The following GNA13 variants were observed in gnomAD, a reference collection of about 807,000 sequenced individuals.
The protein encoded by GNA13 is G protein subunit alpha 13.
In GNA13, 4 loss-of-function variants were observed where a neutral mutation model predicts 33.5. That is an observed-to-expected ratio of 0.12 (90% CI 0.06 to 0.27). The LOEUF (loss-of-function observed/expected upper bound fraction) is 0.27. Among genes scored for constraint, GNA13 ranks in the 10% least tolerant of loss-of-function variants. The probability of loss-of-function intolerance (pLI) is 1.00; values close to 1 mark genes in which losing one functional copy is unlikely to be tolerated. For missense variants in GNA13, 319 were observed against 487.2 expected (o/e 0.65, Z 3.25); for synonymous variants, 176 against 183.8 (o/e 0.96, Z 0.34).
intron 3 of GNA13, among the ~76,000 whole-genome samples, chr17:65,015,532 G>A (rs9894840): frequency 0.011 from 1,683 of 151,764 alleles, 31 homozygotes; most frequent in African/African-American, 0.039. Flanking sequence ...GTGTGGTGGC[G>A]GGCGCCTGTA....
In GNA13 at chr17:65,010,218, A is replaced by G. The variant is rs1209841839; in HGVS notation, c.*4039T>C. Among the ~76,000 whole-genome samples, 1 of 152,212 alleles carries G rather than the reference A, an allele frequency of 6.6e-6. No individual in the cohort carries two copies. Among genetic ancestry groups the G allele is most frequent in the Non-Finnish European group, 1.5e-5 (1 of 68,030 alleles). On this transcript the variant is annotated 3_prime_UTR_variant, in exon 4 of 4. Coordinates refer to ENST00000439174, the MANE Select transcript of GNA13 (RefSeq NM_006572.6). ...CAGACATAAGAATGCTAGTGGTACA[A>G]ACACTGTACTCCAAATGATGTTGTT...
intron 2 of GNA13, chr17:65,053,213 CAT>C: frequency 2.8e-6 from 1 of 351,500 alleles, no homozygotes; most frequent in East Asian, 5.3e-5. Context: ...TATCTGCATA[CAT>C]ATGAGATATG....
At chr17:65,016,130 C>T (rs1459064897) in intron 3 of GNA13, among the ~76,000 whole-genome samples, 2 of 152,206 alleles carry the variant, frequency 1.3e-5, no homozygotes, top group Non-Finnish European at 2.9e-5. Flanking sequence ...TCTTCCTTGT[C>T]AGTCTAGCAT....
intron 2 of GNA13, among the ~76,000 whole-genome samples, chr17:65,037,791 A>AAAAAAAAAAAAAAAAAC (rs1567824027): frequency 1.3e-4 from 19 of 149,712 alleles, no homozygotes; most frequent in Non-Finnish European, 2.2e-4. Context: ...AAAAAAAAAA[A>AAAAAAAAAAAAAAAAAC]AAAAAAAAAG....
At chr17:65,021,131 C>T (rs1214614606) in intron 2 of GNA13, among the ~76,000 whole-genome samples, 4 of 152,264 alleles carry the variant, frequency 2.6e-5, no homozygotes, top group African/African-American at 9.6e-5. Flanking sequence ...GAAAAGTGTT[C>T]CAATATTTCT....
intron 1 of GNA13, chr17:65,055,674 T>A: frequency 1.0e-6 from 1 of 985,208 alleles, no homozygotes; most frequent in Non-Finnish European, 1.2e-6. Context: ...CTGATTCCAG[T>A]ACAGTCAACC....
In GNA13 at chr17:65,018,305, TAA is replaced by T; in HGVS notation, c.511-4_511-3del. ...CAGGAAATATTTTACAGATTCACCC[TAA>T]AAACAAGAAGAAAACAAATAGTTAT... On this transcript the variant is annotated splice_polypyrimidine_tract_variant and splice_region_variant and intron_variant, in intron 2 of 3. Coordinates refer to ENST00000439174, the MANE Select transcript of GNA13 (RefSeq NM_006572.6). The T allele has an allele frequency of 6.9e-7, 1 of 1,441,506 alleles. No homozygotes were observed. The allele number at this position is 1,441,506 out of a possible 1,614,324, so 89.3% of individuals were successfully genotyped here.
intron 2 of GNA13, among the ~76,000 whole-genome samples, chr17:65,051,689 C>A (rs1008467579): frequency 2.0e-5 from 3 of 152,188 alleles, no homozygotes; most frequent in Non-Finnish European, 4.4e-5. Flanking sequence ...GCAAGCAAAT[C>A]TACCAAAAAT....
At chr17:65,040,869 T>C (rs527476514) in intron 2 of GNA13, among the ~76,000 whole-genome samples, 2 of 152,314 alleles carry the variant, frequency 1.3e-5, no homozygotes, top group Admixed American at 1.3e-4. Flanking sequence ...CATTCTCTCA[T>C]GTGTTAGGCT....
At chr17:65,031,906 G>C (rs1208673410) in intron 2 of GNA13, among the ~76,000 whole-genome samples, 1 of 141,096 alleles carries the variant, frequency 7.1e-6, no homozygotes, top group African/African-American at 3.0e-5. Flanking sequence ...AAGAGAGAGA[G>C]AGAGAGAGAG....
chr17:65,038,318 G>A (rs543855157), intron 2 of GNA13, among the ~76,000 whole-genome samples: 2 of 151,950 alleles, frequency 1.3e-5, no homozygotes, highest in South Asian at 2.1e-4. Flanking sequence ...TAGGAGAATC[G>A]CTTGAAGCTC....
intron 2 of GNA13, among the ~76,000 whole-genome samples, chr17:65,046,674 A>G (rs1304023141): frequency 6.6e-6 from 1 of 152,208 alleles, no homozygotes; most frequent in Non-Finnish European, 1.5e-5. Context: ...TTTGGCCATT[A>G]TGCTTTTCTT....
intron 2 of GNA13, among the ~76,000 whole-genome samples, chr17:65,021,132 C>G (rs142568528): frequency 2.1e-3 from 321 of 152,216 alleles, no homozygotes; most frequent in Non-Finnish European, 3.7e-3. Context: ...AAAAGTGTTC[C>G]AATATTTCTT....
In GNA13 at chr17:65,056,594, C is replaced by T. The variant is rs775298602; in HGVS notation, c.-1G>A. The T allele has an allele frequency of 6.3e-6, 10 of 1,594,944 alleles. No homozygotes were observed. Among genetic ancestry groups the T allele is most frequent in the African/African-American group, 5.4e-5 (4 of 74,408 alleles). On this transcript the variant is annotated 5_prime_UTR_variant, in exon 1 of 4. Coordinates refer to ENST00000439174, the MANE Select transcript of GNA13 (RefSeq NM_006572.6). ...ACCGCGACGGCAGGAAGTCCGCCAT[C>T]TTGCCGCCGCCGCCGCCGCCTCGGC...
intron 3 of GNA13, among the ~76,000 whole-genome samples, chr17:65,015,387 G>A (rs556335281): frequency 6.6e-5 from 10 of 151,942 alleles, no homozygotes; most frequent in Non-Finnish European, 1.5e-4. Flanking sequence ...TGGGGGCTGG[G>A]CGCGATGGCT....
chr17:65,014,083 A>G lies in GNA13; in HGVS notation c.*174T>C. On this transcript the variant is annotated 3_prime_UTR_variant, in exon 4 of 4. Transcript: ENST00000439174. The surrounding 1 kb of genome is among the most constrained non-coding windows in gnomAD (Gnocchi z 5.3). ...AGCAAATCTTGGCGATGAGTCACTC[A>G]ACAGCTTTCAGCCACAAACCAAAGG... 3 of 580,508 alleles carry G rather than the reference A, an allele frequency of 5.2e-6. No individual in the cohort carries two copies. The highest frequency in any genetic ancestry group is 9.2e-6 in the Non-Finnish European group (3 of 327,832). The allele number at this position is 580,508 out of a possible 1,614,324, so 36.0% of individuals were successfully genotyped here.
chr17:65,013,920 T>C lies in GNA13; in HGVS notation c.*337A>G. On this transcript the variant is annotated 3_prime_UTR_variant, in exon 4 of 4. Coordinates refer to ENST00000439174, the MANE Select transcript of GNA13 (RefSeq NM_006572.6). Reference sequence around the variant, plus strand: ...TACAAGTATTTAAGGACACCTTTGATACTTGGCACTGCAGGAGAATTCAGT... The same window carrying C: ...TACAAGTATTTAAGGACACCTTTGACACTTGGCACTGCAGGAGAATTCAGT... The C allele has an allele frequency of 3.3e-6, 1 of 302,732 alleles. No individual in the cohort carries two copies. The highest frequency in any genetic ancestry group is 2.1e-5 in the African/African-American group (1 of 47,744). The allele number at this position is 302,732 out of a possible 1,614,324, so 18.8% of individuals were successfully genotyped here.
chr17:65,015,068 A>G (rs1906315406), intron 3 of GNA13, among the ~76,000 whole-genome samples: 1 of 151,852 alleles, frequency 6.6e-6, no homozygotes, highest in African/African-American at 2.4e-5. Flanking sequence ...CAGGAGTTTG[A>G]GAATATCCTG....
chr17:65,038,097 T>C (rs1362361725), intron 2 of GNA13, among the ~76,000 whole-genome samples: 1 of 151,988 alleles, frequency 6.6e-6, no homozygotes, highest in Non-Finnish European at 1.5e-5. Context: ...AAGATGAAAA[T>C]ATCGTTAAGT....
Sources: gnomAD v4.1 joint callset for allele counts (sites outside exome capture counted in the v4.1 genomes callset) on GRCh38, gnomAD v4.1.1 for gene constraint, Gnocchi (gnomAD v3.1) non-coding constraint, MANE v1.5 for transcripts, NCBI Gene and HGNC (gene_info 2026-07-23, HGNC 2026-07-21) for gene names.